The following CHD1L variants were observed in gnomAD, a reference collection of about 807,000 sequenced individuals.
CHD1L encodes the protein chromodomain helicase DNA binding protein 1 like.
In CHD1L, 118 loss-of-function variants were observed where a neutral mutation model predicts 115.9. The observed-to-expected ratio is 1.02, with a 90% CI of 0.88 to 1.19. CHD1L has a LOEUF of 1.19. CHD1L is among the 50% of genes most tolerant of loss of function. The probability of loss-of-function intolerance (pLI) is 0.00; values close to 1 mark genes in which losing one functional copy is unlikely to be tolerated. For synonymous variants in CHD1L, 411 were observed against 387.1 expected (o/e 1.06, Z -0.72); for missense variants, 1,179 against 1,065.3 (o/e 1.11, Z -1.49).
At chr1:147,184,601 G>C in the CHD1L span, 1 of 1,547,784 alleles carries the variant, frequency 6.5e-7, no homozygotes, top group Non-Finnish European at 8.7e-7. This position sits in a 1 kb window ranked among gnomAD's most constrained non-coding sequence, Gnocchi z 4.4. Flanking sequence ...CTTCAACTTG[G>C]GTTTGTCTGA....
intron 8 of CHD1L, among the ~76,000 whole-genome samples, chr1:147,267,084 G>A (rs72691041): frequency 0.18 from 27,026 of 152,174 alleles, 3,061 homozygotes; most frequent in Middle Eastern, 0.26. Context: ...GGAATTGGAA[G>A]TGACAAGGGA....
Position 147,242,689 on chromosome 1 carries a change from G to T in CHD1L, c.-15G>T. On this transcript the variant is annotated 5_prime_UTR_variant, in exon 1 of 23. Coordinates refer to ENST00000369258, the MANE Select transcript of CHD1L (RefSeq NM_004284.6). ...TGCGCGCTTGGCCGCGCGGGGCGGG[G>T]CCTCTACCGGCCCGATGGAGCGCGC... 7.9e-7 allele frequency: 1 copy of T among 1,262,146 alleles called. No individual in the cohort carries two copies. The highest frequency in any genetic ancestry group is 1.0e-6 in the Non-Finnish European group (1 of 1,001,388). The allele number at this position is 1,262,146 out of a possible 1,614,324, so 78.2% of individuals were successfully genotyped here. A position where few individuals can be genotyped will look rare whatever the true frequency, so the allele number is the denominator to read the frequency against.
At chr1:147,175,002 G>A in the CHD1L span, 1 of 152,170 alleles carries the variant, frequency 6.6e-6, no homozygotes, top group Non-Finnish European at 1.5e-5. Flanking sequence ...CTTCCTCTGA[G>A]AAGTGAGGAT....
At chr1:147,203,743 A>G in the CHD1L span, 1 of 1,532,978 alleles carries the variant, frequency 6.5e-7, no homozygotes, top group Non-Finnish European at 9.0e-7. Flanking sequence ...CTTTGAAAGT[A>G]TTAACACCAT....
the CHD1L span, chr1:147,178,087 C>T: frequency 2.9e-5 from 41 of 1,435,872 alleles, no homozygotes; most frequent in South Asian, 3.9e-5. Flanking sequence ...GCGACCCTTC[C>T]GGCTGCCCCC....
intron 2 of CHD1L, 38 bp downstream of exon 2, chr1:147,252,773 GC>G: frequency 6.9e-7 from 1 of 1,458,576 alleles, no homozygotes; most frequent in Non-Finnish European, 9.6e-7. Context: ...CACCGCCACT[GC>G]GATACTTCCT....
chr1:147,246,683 G>A (rs1428428137), intron 1 of CHD1L, among the ~76,000 whole-genome samples: 1 of 152,100 alleles, frequency 6.6e-6, no homozygotes, highest in East Asian at 1.9e-4. Context: ...TTGATAAAAT[G>A]TCTTTTTCTG....
In CHD1L at chr1:147,267,514, T is replaced by C. The variant is rs782399339; in HGVS notation, c.984T>C (p.Phe328=). Residue 328 remains phenylalanine (F), a synonymous_variant, in exon 9 of 23, where the codon TTT becomes TTC. Transcript: ENST00000369258. ...AGTGTGTGGATCACCCATATTTGTT[T>C]GATGGTGAGACAGTGCCTTTTCCCC... The part of the protein sequence containing the change: ...LRKCVDHPYL[F]DGVEPEPFEV... 1 of 1,611,072 alleles carries C rather than the reference T, an allele frequency of 6.2e-7. No individual in the cohort carries two copies. The highest frequency in any genetic ancestry group is 1.1e-5 in the South Asian group (1 of 90,606).
chr1:147,228,511 T>C, the CHD1L span, among the ~76,000 whole-genome samples: 1 of 152,250 alleles, frequency 6.6e-6, no homozygotes, highest in Non-Finnish European at 1.5e-5. Context: ...TTATAATCCT[T>C]TGGGTATATA....
At chr1:147,213,872 T>A in the CHD1L span, among the ~76,000 whole-genome samples, 1 of 152,090 alleles carries the variant, frequency 6.6e-6, no homozygotes, top group Admixed American at 6.5e-5. Flanking sequence ...TACCCTAGGT[T>A]CTCTTCTCCT....
At chr1:147,231,749 C>T in the CHD1L span, among the ~76,000 whole-genome samples, 1 of 152,098 alleles carries the variant, frequency 6.6e-6, no homozygotes, top group Non-Finnish European at 1.5e-5. Flanking sequence ...GATATAATCT[C>T]CTGGTGTGCC....
chr1:147,218,527 C>T, the CHD1L span, among the ~76,000 whole-genome samples: 5 of 152,192 alleles, frequency 3.3e-5, no homozygotes, highest in Admixed American at 6.5e-5. Flanking sequence ...TGAGCCACCG[C>T]GCCCAGCCTC....
At chr1:147,258,257 C>A (rs1435921775) in intron 5 of CHD1L, among the ~76,000 whole-genome samples, 1 of 152,112 alleles carries the variant, frequency 6.6e-6, no homozygotes. Flanking sequence ...GGATTTCCCC[C>A]ATCTTTTCCT....
intron 1 of CHD1L, among the ~76,000 whole-genome samples, chr1:147,249,318 GTTGT>G (rs1421983099): frequency 2.1e-5 from 3 of 146,118 alleles, no homozygotes; most frequent in Non-Finnish European, 4.5e-5. Context: ...TAAGTAAGGT[GTTGT>G]TTGTTTTTTT....
At chr1:147,281,181 C>G (rs1476495806) in intron 15 of CHD1L, among the ~76,000 whole-genome samples, 2 of 152,168 alleles carry the variant, frequency 1.3e-5, no homozygotes, top group Non-Finnish European at 2.9e-5. Flanking sequence ...ATTTTCATAC[C>G]TTCCCTTCTG....
the CHD1L span, chr1:147,223,717 C>A: frequency 5.0e-6 from 1 of 200,446 alleles, no homozygotes; most frequent in South Asian, 8.3e-5. Context: ...CCCTCTTTGT[C>A]AGATGGCCCC....
intron 14 of CHD1L, among the ~76,000 whole-genome samples, chr1:147,279,144 G>A (rs1409931283): frequency 7.2e-5 from 11 of 152,154 alleles, no homozygotes; most frequent in Non-Finnish European, 1.2e-4. Context: ...TAAGTGAGCT[G>A]TCTATTGTTT....
At chr1:147,235,584 G>T in the CHD1L span, among the ~76,000 whole-genome samples, 1 of 152,052 alleles carries the variant, frequency 6.6e-6, no homozygotes, top group African/African-American at 2.4e-5. Context: ...TGTGCCTCAG[G>T]GATAGATACA....
chr1:147,217,066 C>A, the CHD1L span, among the ~76,000 whole-genome samples: 1 of 150,948 alleles, frequency 6.6e-6, no homozygotes, highest in Non-Finnish European at 1.5e-5. Context: ...CATGGAGAAA[C>A]CCTGTCTCTA....
Sources: allele counts gnomAD v4.1 joint callset (sites outside exome capture counted in the v4.1 genomes callset), GRCh38; gene constraint gnomAD v4.1.1; non-coding constraint Gnocchi (gnomAD v3.1); transcripts MANE v1.5; gene names NCBI Gene and HGNC (gene_info 2026-07-23, HGNC 2026-07-21).